The following PCDH15 variants were observed in gnomAD, a reference collection of about 807,000 sequenced individuals.
The protein encoded by PCDH15 is protocadherin-15.
In PCDH15, 129 loss-of-function variants were observed where a neutral mutation model predicts 178.5. The ratio of observed to expected loss-of-function variants is 0.72; its 90% CI spans 0.63 to 0.84. The LOEUF (loss-of-function observed/expected upper bound fraction) is 0.84. Ranked by LOEUF, PCDH15 falls within the 40% of genes least tolerant of loss-of-function variation. The probability of loss-of-function intolerance (pLI) is 0.00; values close to 1 mark genes in which losing one functional copy is unlikely to be tolerated. For synonymous variants in PCDH15, 800 were observed against 732.0 expected, an observed-to-expected ratio of 1.09 and a Z score of -1.50; for missense variants, 2,230 against 2,099.9, an observed-to-expected ratio of 1.06 and a Z score of -1.21.
chr10:53,899,675 C>A (rs1411253120), intron 26 of PCDH15, among the ~76,000 whole-genome samples: 2 of 152,156 alleles, frequency 1.3e-5, no homozygotes, highest in African/African-American at 4.8e-5. Context: ...CAATCATGGG[C>A]TACTTCCCAT....
intron 8 of PCDH15, among the ~76,000 whole-genome samples, chr10:54,309,975 G>A (rs1488237784): frequency 6.6e-6 from 1 of 152,024 alleles, no homozygotes; most frequent in Non-Finnish European, 1.5e-5. Context: ...ATCACAAAGA[G>A]AAACTATTAG....
At chr10:54,307,894 G>A (rs573841845) in intron 8 of PCDH15, among the ~76,000 whole-genome samples, 26 of 152,038 alleles carry the variant, frequency 1.7e-4, no homozygotes, top group Non-Finnish European at 2.6e-4. Context: ...CCAAGCAGAC[G>A]AAAAATTTCC....
chr10:55,522,258 C>T (rs1029516081), intron 2 of PCDH15, among the ~76,000 whole-genome samples: 1 of 151,832 alleles, frequency 6.6e-6, no homozygotes, highest in African/African-American at 2.4e-5. Context: ...TGGGATATCT[C>T]ACTATGGTTT....
At chr10:53,832,565 T>C (rs1268706470) in intron 29 of PCDH15, among the ~76,000 whole-genome samples, 1 of 151,942 alleles carries the variant, frequency 6.6e-6, no homozygotes, top group Non-Finnish European at 1.5e-5. Context: ...TCTTGGTATA[T>C]TTAAGTCTAA....
chr10:55,137,806 T>A (rs1057239196), intron 2 of PCDH15, among the ~76,000 whole-genome samples: 1 of 152,088 alleles, frequency 6.6e-6, no homozygotes, highest in Non-Finnish European at 1.5e-5. Context: ...GAAAATGAGA[T>A]AACTACAGGA....
At chr10:55,027,230 C>T (rs1000035277) in intron 2 of PCDH15, among the ~76,000 whole-genome samples, 2 of 151,772 alleles carry the variant, frequency 1.3e-5, no homozygotes, top group African/African-American at 4.8e-5. Flanking sequence ...AGGAGGGTGA[C>T]ATGCTTTACA....
intron 3 of PCDH15, among the ~76,000 whole-genome samples, chr10:54,837,170 T>C (rs1433336974): frequency 1.3e-5 from 2 of 152,124 alleles, no homozygotes; most frequent in African/African-American, 4.8e-5. Flanking sequence ...TTGAAAGTTT[T>C]TCAAAGTTAG....
At chr10:54,137,856 C>T (rs966607477) in intron 14 of PCDH15, among the ~76,000 whole-genome samples, 3 of 152,094 alleles carry the variant, frequency 2.0e-5, no homozygotes, top group Admixed American at 6.6e-5. Context: ...GACAGATTTT[C>T]GTTACCTGAC....
intron 2 of PCDH15, among the ~76,000 whole-genome samples, chr10:55,425,796 A>G (rs1838741494): frequency 6.6e-6 from 1 of 152,206 alleles, no homozygotes; most frequent in African/African-American, 2.4e-5. Context: ...ATGCTGTGAA[A>G]TGTCAAATTT....
intron 5 of PCDH15, among the ~76,000 whole-genome samples, chr10:54,364,835 C>T (rs1289538777): frequency 6.6e-6 from 1 of 152,154 alleles, no homozygotes; most frequent in East Asian, 1.9e-4. Context: ...CTTCCAAGCT[C>T]ATTCAGATTA....
chr10:54,002,059 A>ATACATGTG (rs2092171143), intron 20 of PCDH15, among the ~76,000 whole-genome samples: 1 of 38,476 alleles, frequency 2.6e-5, no homozygotes, highest in African/African-American at 1.6e-4. Context: ...ATATGTATAT[A>ATACATGTG]TATACATGTA....
At chr10:54,844,436 A>G (rs1364286808) in intron 3 of PCDH15, among the ~76,000 whole-genome samples, 2 of 151,960 alleles carry the variant, frequency 1.3e-5, no homozygotes, top group Non-Finnish European at 2.9e-5. Flanking sequence ...ATGCCTTCAT[A>G]GTGCTGACAC....
chr10:55,515,475 A>AT (rs1214092927), intron 2 of PCDH15, among the ~76,000 whole-genome samples: 9 of 152,118 alleles, frequency 5.9e-5, no homozygotes, highest in South Asian at 4.2e-4. Context: ...ATTAAGGTAG[A>AT]TTTTTTCCCA....
chr10:54,077,103 T>C (rs942706607), intron 17 of PCDH15, among the ~76,000 whole-genome samples: 3 of 152,164 alleles, frequency 2.0e-5, no homozygotes, highest in Non-Finnish European at 4.4e-5. Flanking sequence ...ATATAAATGA[T>C]GGAATTAACT....
chr10:55,323,371 A>G (rs542905201), upstream of PCDH15, among the ~76,000 whole-genome samples: 1 of 152,282 alleles, frequency 6.6e-6, no homozygotes, highest in South Asian at 2.1e-4. Context: ...AAACCCCAGA[A>G]TGGTAGATCC....
At chr10:54,789,687 A>T (rs1951208811) in intron 1 of PCDH15, among the ~76,000 whole-genome samples, 1 of 151,882 alleles carries the variant, frequency 6.6e-6, no homozygotes, top group Non-Finnish European at 1.5e-5. Flanking sequence ...TCCCACAATC[A>T]CCTTTTCTTA....
At chr10:55,358,498 T>G (rs1588950895) in intron 2 of PCDH15, among the ~76,000 whole-genome samples, 1 of 152,110 alleles carries the variant, frequency 6.6e-6, no homozygotes, top group African/African-American at 2.4e-5. Flanking sequence ...CTTAGTTATA[T>G]GTAATCATGT....
chr10:53,940,751 G>T, intron 24 of PCDH15, 115 bp downstream of exon 24: 1 of 797,152 alleles, frequency 1.3e-6, no homozygotes, highest in South Asian at 1.5e-5. Flanking sequence ...ATTTAAGATG[G>T]GCACAATTTT....
At chr10:55,612,584 T>A (rs1843390805) in intron 2 of PCDH15, among the ~76,000 whole-genome samples, 1 of 152,122 alleles carries the variant, frequency 6.6e-6, no homozygotes, top group Non-Finnish European at 1.5e-5. Flanking sequence ...ACCTAAAACC[T>A]TCAAAATATA....
Sources: allele counts gnomAD v4.1 joint callset (sites outside exome capture counted in the v4.1 genomes callset), GRCh38; gene constraint gnomAD v4.1.1; transcripts MANE v1.5; gene names NCBI Gene and HGNC (gene_info 2026-07-23, HGNC 2026-07-21).